Variants in SHCBP1 observed in about 807,000 individuals in gnomAD.
SHCBP1 encodes the protein SHC binding and spindle associated 1.
In SHCBP1, 60 loss-of-function variants were observed where a neutral mutation model predicts 75.1. The ratio of observed to expected loss-of-function variants is 0.80; its 90% CI spans 0.65 to 0.99. SHCBP1 has a LOEUF of 0.99. SHCBP1 is among the 50% of genes least tolerant of loss of function. The pLI, the probability that SHCBP1 is intolerant of heterozygous loss-of-function variation, is 0.00. For missense variants in SHCBP1, 709 were observed against 809.4 expected, an observed-to-expected ratio of 0.88 and a Z score of 1.50; for synonymous variants, 290 against 293.2, an observed-to-expected ratio of 0.99 and a Z score of 0.11.
chr16:46,581,629 T>C lies in SHCBP1; in HGVS notation c.*100A>G, dbSNP rs1478396546. On this transcript the variant is annotated 3_prime_UTR_variant, in exon 13 of 13. Transcript: ENST00000303383. ...TTTCACTCAAGCCCAAATAATCAAA[T>C]ATAAAATACAGACAATACAGCAAAC... 10 of 1,111,034 alleles carry C rather than the reference T, an allele frequency of 9.0e-6. No individual in the cohort carries two copies. The highest frequency in any genetic ancestry group is 1.2e-5 in the Non-Finnish European group (9 of 770,778). 68.8% of individuals were successfully genotyped at this position (1,111,034 alleles called of 1,614,324 possible).
At position 46,616,090 on chromosome 16, in the gene SHCBP1, T is replaced by G; in HGVS notation, c.452A>C (p.Asp151Ala). 6.2e-7 allele frequency: 1 copy of G among 1,614,060 alleles called. No individual in the cohort carries two copies. The highest frequency in any genetic ancestry group is 8.5e-7 in the Non-Finnish European group (1 of 1,180,000). Residue 151 changes from aspartate to alanine, a missense_variant, in exon 4 of 13, where the codon GAC becomes GCC. By Grantham distance (126) the Asp-to-Ala change is moderately radical. Coordinates refer to ENST00000303383, the MANE Select transcript of SHCBP1 (RefSeq NM_024745.5). This position sits in a 1 kb window ranked among gnomAD's most constrained non-coding sequence, Gnocchi z 4.4. ...CATGGTAAAAGTGCTCACTTGAGAG[T>G]CACAGAGGTATGGTTCAGCAAGCCT... ...VVRLAEPYLC[D>A]SQVSTFTMEC...
At chr16:46,613,861 A>T (rs1367675144) in intron 4 of SHCBP1, among the ~76,000 whole-genome samples, 2 of 152,184 alleles carry the variant, frequency 1.3e-5, no homozygotes, top group Non-Finnish European at 2.9e-5. Context: ...GAACAAATGA[A>T]ATCCCTCATA....
At position 46,582,000 on chromosome 16, in the gene SHCBP1, ACT is replaced by A. The variant is rs752682860; in HGVS notation, c.1746_1747del (p.Arg582SerfsTer8). 1.9e-6 allele frequency: 3 copies of A among 1,613,902 alleles called. No individual in the cohort carries two copies. In the South Asian group the frequency reaches 3.3e-5, roughly 18 times the overall value. ...ACACTCAATCAGCTCTTCTAGATCC[ACT>A]CTTTCAGCCACATCTGGCTCTCCAC... is the stretch of plus-strand genomic sequence containing the variant. On this transcript the variant is annotated frameshift_variant, in exon 13 of 13. Transcript: ENST00000303383. LOFTEE classifies it high-confidence loss of function.
intron 10 of SHCBP1, among the ~76,000 whole-genome samples, chr16:46,587,793 T>G (rs1964975644): frequency 1.3e-5 from 2 of 152,260 alleles, no homozygotes; most frequent in South Asian, 4.1e-4. Flanking sequence ...GGAATTGAAC[T>G]CAGCTCTGCA....
At chr16:46,591,997 A>G (rs761581059) in intron 10 of SHCBP1, among the ~76,000 whole-genome samples, 5 of 152,118 alleles carry the variant, frequency 3.3e-5, no homozygotes, top group Non-Finnish European at 7.4e-5. Flanking sequence ...TTACATTAGA[A>G]AAGAGAAAAA....
chr16:46,621,270 C>A lies in SHCBP1; in HGVS notation c.90G>T (p.Ala30=). 1 of 1,609,284 alleles carries A rather than the reference C, an allele frequency of 6.2e-7. No individual in the cohort carries two copies. Among genetic ancestry groups the A allele is most frequent in the Non-Finnish European group, 8.5e-7 (1 of 1,178,590 alleles). Residue 30 remains alanine (A), a synonymous_variant, in exon 1 of 13, where the codon GCG becomes GCT. Transcript: ENST00000303383. ...TGGAGAGCTCACCTTTCTCCAGAGA[C>A]GCCAGCTCCTGCTCCACCGCCCAGC... ...RMGWAVEQEL[A]SLEKGLFQDE... is the part of the protein sequence containing the mutation.
chr16:46,579,629 A>G lies in SHCBP1; in HGVS notation c.*2100T>C, dbSNP rs147239153. On this transcript the variant is annotated 3_prime_UTR_variant, in exon 13 of 13. Transcript: ENST00000303383. ...AGCCTGGGCAACATGGTGAAACCCCATATCTACTAAAAATACAAAAAAAAG... is the reference window on the plus strand; with the variant it reads ...AGCCTGGGCAACATGGTGAAACCCCGTATCTACTAAAAATACAAAAAAAAG... Among the ~76,000 whole-genome samples, 243 of 151,220 alleles carry G rather than the reference A, an allele frequency of 1.6e-3. 4 individuals carry two copies. In the East Asian group the frequency reaches 0.028, roughly 17 times the overall value.
chr16:46,619,143 C>T (rs1054867762), intron 1 of SHCBP1, among the ~76,000 whole-genome samples: 14 of 152,096 alleles, frequency 9.2e-5, no homozygotes, highest in Non-Finnish European at 1.6e-4. Flanking sequence ...TCAGAAAATG[C>T]AAATCACATT....
chr16:46,581,423 C>A lies in SHCBP1; in HGVS notation c.*306G>T. On this transcript the variant is annotated 3_prime_UTR_variant, in exon 13 of 13. Coordinates refer to ENST00000303383, the MANE Select transcript of SHCBP1 (RefSeq NM_024745.5). Reference sequence around the variant, plus strand: ...TCCTTACTTCCTCGTCTTTGAAGTGCTAAAGGTAATTACACTAAAAAGTTA... The same window carrying A: ...TCCTTACTTCCTCGTCTTTGAAGTGATAAAGGTAATTACACTAAAAAGTTA... 3.3e-6 allele frequency: 1 copy of A among 307,346 alleles called. No homozygotes were observed. Among genetic ancestry groups the A allele is most frequent in the Non-Finnish European group, 6.0e-6 (1 of 165,374 alleles). The allele number at this position is 307,346 out of a possible 1,614,324, so 19.0% of individuals were successfully genotyped here.
In SHCBP1 at chr16:46,599,973, G is replaced by C. The variant is rs758149939; in HGVS notation, c.1214-11C>G. 9 of 1,612,032 alleles carry C rather than the reference G, an allele frequency of 5.6e-6. No individual in the cohort carries two copies. The African/African-American group carries it at 8.0e-5, about 14-fold the overall frequency. On this transcript the variant is annotated splice_polypyrimidine_tract_variant and intron_variant, in intron 8 of 12. Transcript: ENST00000303383. The stretch of plus-strand genomic sequence containing the variant: ...CTGGTAGGCCATATCCTAAGGAAGA[G>C]AGAGCAACAACACTCAAGATGGGTG...
intron 10 of SHCBP1, among the ~76,000 whole-genome samples, chr16:46,584,748 C>A (rs535358488): frequency 6.6e-6 from 1 of 152,134 alleles, no homozygotes; most frequent in South Asian, 2.1e-4. Flanking sequence ...GTAAGAATTT[C>A]TTTCCTAATG....
At position 46,581,784 on chromosome 16, in the gene SHCBP1, A is replaced by T; in HGVS notation, c.1964T>A (p.Val655Glu). 1 of 1,614,226 alleles carries T rather than the reference A, an allele frequency of 6.2e-7. No homozygotes were observed. The highest frequency in any genetic ancestry group is 1.1e-5 in the South Asian group (1 of 91,084). The change falls in exon 13 of 13, where the codon GTG becomes GAG. Residue 655 changes from valine to glutamate, a missense_variant. By Grantham distance (121) the Val-to-Glu change is moderately radical. Transcript: ENST00000303383. ...CCCATTCCACTTGAACTGGTTCCCC[A>T]CAATCCCAACAAACATCTCCTGTGA... ...LMSQEMFVGI[V>E]GNQFKWNGKG...
At chr16:46,588,424 A>G (rs186562300) in intron 10 of SHCBP1, among the ~76,000 whole-genome samples, 10 of 152,298 alleles carry the variant, frequency 6.6e-5, no homozygotes, top group Admixed American at 2.6e-4. Context: ...GACCACTAGC[A>G]AGACTAATAA....
At chr16:46,618,075 C>A in intron 2 of SHCBP1, 130 bp downstream of exon 2, 1 of 902,716 alleles carries the variant, frequency 1.1e-6, no homozygotes, top group East Asian at 2.7e-5. Context: ...ACTAGGGAGG[C>A]TGAGGCAGGA....
chr16:46,583,951 T>C (rs1567441136), intron 11 of SHCBP1, 52 bp downstream of exon 11: 4 of 1,444,638 alleles, frequency 2.8e-6, no homozygotes, highest in South Asian at 2.4e-5. Context: ...GCATAATTTG[T>C]AGGTAAAACC....
chr16:46,582,967 G>A (rs1315859224), intron 12 of SHCBP1, among the ~76,000 whole-genome samples: 1 of 152,160 alleles, frequency 6.6e-6, no homozygotes, highest in African/African-American at 2.4e-5. Context: ...ATAGCTTGAA[G>A]TTCACAGATT....
intron 10 of SHCBP1, 153 bp from the exon 11 acceptor site, chr16:46,584,242 C>G: frequency 4.1e-6 from 2 of 487,290 alleles, no homozygotes; most frequent in Non-Finnish European, 7.2e-6. Context: ...CATTTTTAAT[C>G]AACATTTCCA....
In SHCBP1 at chr16:46,608,308, A is replaced by C; in HGVS notation, c.678T>G (p.Pro226=). Residue 226 remains proline, a synonymous_variant, in exon 5 of 13, where the codon CCT becomes CCG. Coordinates refer to ENST00000303383, the MANE Select transcript of SHCBP1 (RefSeq NM_024745.5). ...CAATAAATACTTACAATCTTAATCGAGGTTCAACACATCTGACAAAATAAT... is the reference window on the plus strand; with the variant it reads ...CAATAAATACTTACAATCTTAATCGCGGTTCAACACATCTGACAAAATAAT... The part of the protein sequence containing the change: ...EYDYFVRCVE[P]RLRLHYDILE... 1 of 1,611,268 alleles carries C rather than the reference A, an allele frequency of 6.2e-7. No individual in the cohort carries two copies. The highest frequency in any genetic ancestry group is 8.5e-7 in the Non-Finnish European group (1 of 1,177,546).
intron 10 of SHCBP1, among the ~76,000 whole-genome samples, chr16:46,585,024 A>T (rs1002827453): frequency 6.6e-6 from 1 of 152,192 alleles, no homozygotes; most frequent in Non-Finnish European, 1.5e-5. Context: ...AGAGGATTTT[A>T]AAAATGTGCT....
Sources: allele counts gnomAD v4.1 joint callset (sites outside exome capture counted in the v4.1 genomes callset), GRCh38; gene constraint gnomAD v4.1.1; non-coding constraint Gnocchi (gnomAD v3.1); transcripts MANE v1.5; gene names NCBI Gene and HGNC (gene_info 2026-07-23, HGNC 2026-07-21).